Variants in LRIG1 observed in about 807,000 individuals in gnomAD.
The protein encoded by LRIG1 is leucine rich repeats and immunoglobulin like domains 1.
LRIG1 carries 48 observed loss-of-function variants against 99.2 expected under a neutral mutation model. That is an observed-to-expected ratio of 0.48 (90% CI 0.38 to 0.62). The LOEUF (loss-of-function observed/expected upper bound fraction) is 0.62, where lower values mean the gene tolerates loss of function less well. Among genes scored for constraint, LRIG1 ranks in the 20% least tolerant of loss-of-function variants. The pLI is 0.00. For synonymous variants in LRIG1, 772 were observed against 596.1 expected (o/e 1.29, Z -4.30); for missense variants, 1,646 against 1,434.4 (o/e 1.15, Z -2.38).
At chr3:66,465,116 C>CA (rs1327412879) in intron 1 of LRIG1, among the ~76,000 whole-genome samples, 1 of 152,052 alleles carries the variant, frequency 6.6e-6, no homozygotes, top group Admixed American at 6.6e-5. Context: ...CACCTGTTGG[C>CA]AAAAAAGAAG....
In LRIG1 at chr3:66,380,787, G is replaced by A. The variant is rs772935421; in HGVS notation, c.2845C>T (p.Pro949Ser). 2 of 1,614,190 alleles carry A rather than the reference G, an allele frequency of 1.2e-6. No homozygotes were observed. Among genetic ancestry groups the A allele is most frequent in the East Asian group, 2.2e-5 (1 of 44,870 alleles). Reference protein sequence around the residue: ...DCYSRGQAFHPQPVSRDSAQP... With the variant: ...DCYSRGQAFHSQPVSRDSAQP... The stretch of plus-strand genomic sequence containing the variant: ...GCGCTGTCTCTGGACACAGGCTGGG[G>A]GTGGAAGGCTTGTCCCCTGGAGTAA... Residue 949 changes from proline to serine, a missense_variant, in exon 18 of 19, where the codon CCC (proline) becomes TCC (serine). Pro to Ser is a moderately conservative substitution (Grantham distance 74). Coordinates refer to ENST00000273261, the MANE Select transcript of LRIG1 (RefSeq NM_015541.3).
chr3:66,440,726 G>A (rs539136655), intron 3 of LRIG1, among the ~76,000 whole-genome samples: 77 of 152,168 alleles, frequency 5.1e-4, no homozygotes, highest in Non-Finnish European at 7.2e-4. Flanking sequence ...AACACTCAGT[G>A]CACGTTCAGT....
chr3:66,456,888 A>C (rs997541971), intron 2 of LRIG1, among the ~76,000 whole-genome samples: 1 of 152,166 alleles, frequency 6.6e-6, no homozygotes, highest in Admixed American at 6.5e-5. Context: ...GGACTGTATA[A>C]ATAGCCCCTT....
chr3:66,411,703 A>C (rs1270631463), intron 6 of LRIG1, among the ~76,000 whole-genome samples: 1 of 152,128 alleles, frequency 6.6e-6, no homozygotes, highest in Non-Finnish European at 1.5e-5. Context: ...CCAGTAAAGG[A>C]CATTCGAGTC....
chr3:66,482,946 GT>G (rs949065136), intron 1 of LRIG1, among the ~76,000 whole-genome samples: 1 of 152,132 alleles, frequency 6.6e-6, no homozygotes, highest in Non-Finnish European at 1.5e-5. Context: ...GAAATCAGTT[GT>G]TTTTTCTTTT....
chr3:66,445,349 T>G (rs1050622628), intron 3 of LRIG1, among the ~76,000 whole-genome samples: 1 of 152,132 alleles, frequency 6.6e-6, no homozygotes, highest in African/African-American at 2.4e-5. Flanking sequence ...CTAAATCAGG[T>G]TGCTACGCGG....
chr3:66,495,335 A>G (rs979691516), intron 1 of LRIG1, among the ~76,000 whole-genome samples: 1 of 152,136 alleles, frequency 6.6e-6, no homozygotes, highest in Non-Finnish European at 1.5e-5. Context: ...AACTGCATCC[A>G]TTGTAAACAG....
At chr3:66,421,687 C>G (rs972810324) in intron 3 of LRIG1, among the ~76,000 whole-genome samples, 1 of 152,210 alleles carries the variant, frequency 6.6e-6, no homozygotes, top group African/African-American at 2.4e-5. Context: ...GACAGTGGCC[C>G]TCTTCTCACA....
At position 66,418,174 on chromosome 3, in the gene LRIG1, C is replaced by G. The variant is rs568254620; in HGVS notation, c.366-908G>C. The stretch of plus-strand genomic sequence containing the variant: ...TGGCGCCATCTTGGCTCACTGCAAC[C>G]TCCGCCTCCTGGGTTCAAGCGATTC... On this transcript the variant is annotated intron_variant, in intron 3 of 18. Coordinates refer to ENST00000273261, the MANE Select transcript of LRIG1 (RefSeq NM_015541.3). Among the ~76,000 whole-genome samples the G allele has an allele frequency of 3.9e-5, 6 of 152,314 alleles. No homozygotes were observed. In the East Asian group the frequency reaches 9.6e-4, roughly 24 times the overall value.
rs776655857 is a variant in LRIG1 at position 66,383,142 on chromosome 3, C to A, written c.2331G>T (p.Gln777His). Residue 777 changes from glutamine (Q) to histidine (H), a missense_variant, in exon 15 of 19, where the codon CAG becomes CAT. Gln to His is a conservative substitution (Grantham distance 24). Transcript: ENST00000273261. Reference protein sequence around the residue: ...NTLGTERAHSQLSVLPAAGCR... With the variant: ...NTLGTERAHSHLSVLPAAGCR... ...AGCCTGCTGCGGGCAGGACGCTCAG[C>A]TGGCTGTGAGCTCGCTCCGTGCCCA... The A allele has an allele frequency of 2.5e-5, 40 of 1,614,142 alleles. No homozygotes were observed. Among genetic ancestry groups the A allele is most frequent in the Non-Finnish European group, 1.7e-6 (2 of 1,180,062 alleles).
chr3:66,383,408 G>C lies in LRIG1; in HGVS notation c.2072-7C>G, dbSNP rs1359530754. On this transcript the variant is annotated splice_region_variant and splice_polypyrimidine_tract_variant and intron_variant, in intron 14 of 18. Transcript: ENST00000273261. ...ACCACCAAGGATGGGGTCTCTACAA[G>C]AGAGCAACAGAGATCTTAGTCATTC... The C allele has an allele frequency of 3.9e-6, 6 of 1,532,116 alleles. No homozygotes were observed. The highest frequency in any genetic ancestry group is 5.3e-6 in the Non-Finnish European group (6 of 1,136,208). 94.9% of individuals were successfully genotyped at this position (1,532,116 alleles called of 1,614,324 possible).
chr3:66,444,056 G>A (rs556466257), intron 3 of LRIG1, among the ~76,000 whole-genome samples: 2 of 152,316 alleles, frequency 1.3e-5, no homozygotes, highest in African/African-American at 4.8e-5. Context: ...GATAAAGACT[G>A]ATCAGATACG....
chr3:66,393,967 C>A, intron 12 of LRIG1, 73 bp downstream of exon 12: 2 of 1,497,768 alleles, frequency 1.3e-6, no homozygotes, highest in Non-Finnish European at 1.8e-6. Flanking sequence ...AGGAATTACT[C>A]CCATAATGAA....
chr3:66,498,564 T>TA (rs1050819942), intron 1 of LRIG1, among the ~76,000 whole-genome samples: 9,480 of 124,448 alleles, frequency 0.076, 837 homozygotes, highest in African/African-American at 0.22. Flanking sequence ...TGATTCTATT[T>TA]AAAAAAAAAA....
At chr3:66,439,323 C>T (rs1703465612) in intron 3 of LRIG1, among the ~76,000 whole-genome samples, 1 of 152,230 alleles carries the variant, frequency 6.6e-6, no homozygotes, top group Non-Finnish European at 1.5e-5. Context: ...CACTGTTTTT[C>T]CCCTTATAAA....
intron 2 of LRIG1, among the ~76,000 whole-genome samples, chr3:66,455,001 T>C (rs987168096): frequency 7.9e-5 from 12 of 152,304 alleles, no homozygotes; most frequent in African/African-American, 1.4e-4. Flanking sequence ...CTGGAGTACA[T>C]TGGCATGATC....
At chr3:66,430,038 A>T (rs1703116244) in intron 3 of LRIG1, among the ~76,000 whole-genome samples, 1 of 152,228 alleles carries the variant, frequency 6.6e-6, no homozygotes, top group Non-Finnish European at 1.5e-5. Flanking sequence ...TAGCCCCCAG[A>T]ATAACGCTTA....
At chr3:66,443,371 T>TGAGTGAGGGGGA (rs1703611742) in intron 3 of LRIG1, among the ~76,000 whole-genome samples, 1 of 138,438 alleles carries the variant, frequency 7.2e-6, no homozygotes, top group African/African-American at 3.0e-5. Context: ...AGTGAGGGGG[T>TGAGTGAGGGGGA]GTGTGTGTGC....
chr3:66,429,543 T>C (rs1703087792), intron 3 of LRIG1, among the ~76,000 whole-genome samples: 1 of 152,128 alleles, frequency 6.6e-6, no homozygotes, highest in African/African-American at 2.4e-5. Context: ...ACAGTAACAA[T>C]ATTTAACTGC....
Sources: allele counts gnomAD v4.1 joint callset (sites outside exome capture counted in the v4.1 genomes callset), GRCh38; gene constraint gnomAD v4.1.1; transcripts MANE v1.5; gene names NCBI Gene and HGNC (gene_info 2026-07-23, HGNC 2026-07-21).